Variants in DOCK1 observed in about 807,000 individuals in gnomAD.
The protein encoded by DOCK1 is dedicator of cytokinesis 1.
DOCK1 carries 138 observed loss-of-function variants against 262.7 expected under a neutral mutation model. The ratio of observed to expected loss-of-function variants is 0.53; its 90% CI spans 0.46 to 0.61. The LOEUF (loss-of-function observed/expected upper bound fraction) is 0.61, where lower values mean the gene tolerates loss of function less well. DOCK1 is among the 20% of genes least tolerant of loss of function. The pLI is 0.00. For missense variants in DOCK1, 1,908 were observed against 2,370.7 expected (o/e 0.80, Z 4.05); for synonymous variants, 866 against 867.4 (o/e 1.00, Z 0.03).
chr10:126,947,921 G>C (rs1438751591), intron 1 of DOCK1, among the ~76,000 whole-genome samples: 1 of 145,568 alleles, frequency 6.9e-6, no homozygotes, highest in Non-Finnish European at 1.5e-5. Flanking sequence ...GATGGTGGTG[G>C]TTGGTAGTAT....
intron 27 of DOCK1, among the ~76,000 whole-genome samples, chr10:127,223,954 G>T (rs566700385): frequency 2.0e-5 from 3 of 152,276 alleles, no homozygotes; most frequent in South Asian, 2.1e-4. Context: ...TTGTGGGTGA[G>T]AAATGAGTTA....
intron 27 of DOCK1, among the ~76,000 whole-genome samples, chr10:127,129,561 C>T (rs761063353): frequency 6.6e-6 from 1 of 152,214 alleles, no homozygotes; most frequent in African/African-American, 2.4e-5. Flanking sequence ...AGTGACTCCA[C>T]GAGCCACCTG....
Position 127,410,824 on chromosome 10 carries a change from G to A in DOCK1, c.4344-16G>A. 1 of 1,612,544 alleles carries A rather than the reference G, an allele frequency of 6.2e-7. No homozygotes were observed. On this transcript the variant is annotated splice_polypyrimidine_tract_variant and intron_variant, in intron 42 of 51. Coordinates refer to ENST00000623213, the MANE Select transcript of DOCK1 (RefSeq NM_001290223.2). The stretch of plus-strand genomic sequence containing the variant: ...TGCCGGGTTAAATATCTAATGATCT[G>A]TCTGTCTCTGTACAGTTTTTACAGG...
chr10:127,011,615 C>A (rs2041452951), intron 11 of DOCK1, among the ~76,000 whole-genome samples: 1 of 152,202 alleles, frequency 6.6e-6, no homozygotes, highest in Non-Finnish European at 1.5e-5. Flanking sequence ...TTCATGGGCC[C>A]TGAAAACGTG....
chr10:127,069,156 C>T lies in DOCK1; in HGVS notation c.2445+7380C>T, dbSNP rs569846414. Among the ~76,000 whole-genome samples, 4 of 152,306 alleles carry T rather than the reference C, an allele frequency of 2.6e-5. No homozygotes were observed. The East Asian group carries it at 5.8e-4, about 22-fold the overall frequency. The stretch of plus-strand genomic sequence containing the variant: ...TCTTTCATTGGCGCCGTGTGTCTGC[C>T]CTGCCTTGGTTTCCACTAGAGCTCC... On this transcript the variant is annotated intron_variant, in intron 23 of 51. Transcript: ENST00000623213.
At chr10:127,099,329 C>T (rs2048096507) in intron 23 of DOCK1, among the ~76,000 whole-genome samples, 1 of 152,170 alleles carries the variant, frequency 6.6e-6, no homozygotes, top group Non-Finnish European at 1.5e-5. Flanking sequence ...AGCTTATTGT[C>T]TATGGGGAAT....
intron 27 of DOCK1, among the ~76,000 whole-genome samples, chr10:127,228,331 G>A (rs1390907374): frequency 2.0e-5 from 3 of 152,230 alleles, no homozygotes; most frequent in East Asian, 3.9e-4. Context: ...GTGTATGTGC[G>A]TCACCCCCAC....
chr10:127,343,677 CT>C lies in DOCK1; in HGVS notation c.3158del (p.Phe1053SerfsTer27). 6.2e-7 allele frequency: 1 copy of C among 1,611,428 alleles called. No individual in the cohort carries two copies. Among genetic ancestry groups the C allele is most frequent in the South Asian group, 1.1e-5 (1 of 89,938 alleles). ...LWNNYFHLAV[A>X]FLTQESLQLE... The stretch of plus-strand genomic sequence containing the variant: ...AACAACTACTTTCACCTGGCTGTTG[CT>C]TTCCTTACTCAAGAGTCCCTGCAAC... On this transcript the variant is annotated frameshift_variant, in exon 31 of 52. Transcript: ENST00000623213. LOFTEE classifies it high-confidence loss of function.
chr10:127,217,684 A>G (rs1038802178), intron 27 of DOCK1, among the ~76,000 whole-genome samples: 4 of 152,226 alleles, frequency 2.6e-5, no homozygotes, highest in East Asian at 1.9e-4. Context: ...AAGGTTGTCT[A>G]TATGCTAGTA....
rs41282894 is a variant in DOCK1 at position 127,381,332 on chromosome 10, G to A, written c.3771G>A (p.Ala1257=). The change falls in exon 37 of 52, where the codon GCG becomes GCA. Residue 1257 remains alanine (A), a synonymous_variant. Transcript: ENST00000623213. The part of the protein sequence containing the change: ...LHKECDNYTE[A]AYTLLLHAKL... ...AGGAGTGTGATAACTACACCGAAGC[G>A]GCTTACACCTTGCTTCTCCATGCAA... 1.0e-3 allele frequency: 1,677 copies of A among 1,612,712 alleles called. 1 individual carries two copies. The highest frequency in any genetic ancestry group is 1.2e-3 in the Non-Finnish European group (1,408 of 1,179,132).
At chr10:126,983,537 C>T (rs114766655) in intron 4 of DOCK1, among the ~76,000 whole-genome samples, 26 of 152,276 alleles carry the variant, frequency 1.7e-4, no homozygotes, top group African/African-American at 5.5e-4. Context: ...CATATGGCCT[C>T]TGTCTTGCAG....
rs373560481 is a variant in DOCK1, at chr10:127,362,134, G to A, written c.3354G>A (p.Thr1118=). ...TAGAAATGACATTAATTCCCGAGACGGAGCTGCGCAAAGCCACCATCCCCA... is the reference window on the plus strand; with the variant it reads ...TAGAAATGACATTAATTCCCGAGACAGAGCTGCGCAAAGCCACCATCCCCA... ...PILEMTLIPE[T]ELRKATIPIF... Residue 1118 remains threonine (T), a synonymous_variant, in exon 33 of 52, where the codon ACG becomes ACA. Coordinates refer to ENST00000623213, the MANE Select transcript of DOCK1 (RefSeq NM_001290223.2). 4.8e-5 allele frequency: 78 copies of A among 1,613,772 alleles called. No homozygotes were observed. Among genetic ancestry groups the A allele is most frequent in the Admixed American group, 2.0e-4 (12 of 59,996 alleles).
intron 35 of DOCK1, among the ~76,000 whole-genome samples, chr10:127,374,885 G>A (rs560008640): frequency 9.2e-5 from 14 of 152,344 alleles, no homozygotes; most frequent in African/African-American, 2.6e-4. Context: ...CTAGGGGAAC[G>A]TTGTCCTACT....
intron 38 of DOCK1, among the ~76,000 whole-genome samples, chr10:127,399,884 A>C (rs2134287519): frequency 6.6e-6 from 1 of 152,318 alleles, no homozygotes; most frequent in Middle Eastern, 3.4e-3. Context: ...TTCCTAGAAA[A>C]TGTGAGCCGG....
intron 27 of DOCK1, among the ~76,000 whole-genome samples, chr10:127,205,977 G>A (rs2057700822): frequency 6.6e-6 from 1 of 152,026 alleles, no homozygotes; most frequent in Non-Finnish European, 1.5e-5. Context: ...TTATCAACAA[G>A]TAAACCTTAC....
chr10:127,276,863 A>G (rs1009073232), intron 29 of DOCK1, among the ~76,000 whole-genome samples: 6 of 135,736 alleles, frequency 4.4e-5, no homozygotes, highest in South Asian at 2.2e-4. Context: ...GCCATTTCCT[A>G]TTGCTGACTT....
In DOCK1 at chr10:126,965,387, T is replaced by C. The variant is rs1176621141; in HGVS notation, c.47-5315T>C. Among the ~76,000 whole-genome samples, 18 of 152,160 alleles carry C rather than the reference T, an allele frequency of 1.2e-4. No individual in the cohort carries two copies. In the East Asian group the frequency reaches 3.3e-3, roughly 28 times the overall value. On this transcript the variant is annotated intron_variant, in intron 1 of 51. Transcript: ENST00000623213. ...TGAGATGGAAAGATGGGTTGTGTGC[T>C]GGAGAAATGAGCCATCATTCAGAAT...
chr10:127,024,491 G>T (rs1230890109), intron 14 of DOCK1, among the ~76,000 whole-genome samples, 194 bp from the exon 15 acceptor site: 1 of 152,210 alleles, frequency 6.6e-6, no homozygotes, highest in Non-Finnish European at 1.5e-5. Context: ...TCTTCAATGT[G>T]TGAGAACAGG....
intron 27 of DOCK1, among the ~76,000 whole-genome samples, chr10:127,214,669 C>T (rs1041879028): frequency 6.6e-6 from 1 of 152,162 alleles, no homozygotes; most frequent in African/African-American, 2.4e-5. Flanking sequence ...CCAGGCACAC[C>T]TGCGGGAGAG....
Sources: allele counts gnomAD v4.1 joint callset (sites outside exome capture counted in the v4.1 genomes callset), GRCh38; gene constraint gnomAD v4.1.1; transcripts MANE v1.5; gene names NCBI Gene and HGNC (gene_info 2026-07-23, HGNC 2026-07-21).